PTOV1: variants seen among roughly 807,000 people sequenced by gnomAD.
PTOV1 encodes the protein prostate tumor-overexpressed gene 1 protein.
Under a neutral mutation model 58.0 loss-of-function variants are expected in PTOV1, and 20 were observed. The ratio of observed to expected loss-of-function variants is 0.34; its 90% CI spans 0.24 to 0.50. The LOEUF (loss-of-function observed/expected upper bound fraction) is 0.50, where lower values mean the gene tolerates loss of function less well. Ranked by LOEUF, PTOV1 falls within the 20% of genes least tolerant of loss-of-function variation. PTOV1 has a pLI of 0.98. For missense variants in PTOV1, 593 were observed against 565.4 expected (o/e 1.05, Z -0.50); for synonymous variants, 335 against 234.2 (o/e 1.43, Z -3.93).
rs764310709 is a variant in PTOV1, at chr19:49,857,988, G to C, written c.878+11G>C. Reference sequence around the variant, plus strand: ...CCAGGGGGAGATCCTGTGAGTGCTGGGCTGGGGGGTGGAGGCAGCATCCAG... The same window carrying C: ...CCAGGGGGAGATCCTGTGAGTGCTGCGCTGGGGGGTGGAGGCAGCATCCAG... On this transcript the variant is annotated intron_variant, in intron 8 of 11. Transcript: ENST00000391842. 6.2e-7 allele frequency: 1 copy of C among 1,613,220 alleles called. No individual in the cohort carries two copies.
chr19:49,860,374 G>C, exon 12 of PTOV1: 1 of 1,351,574 alleles, frequency 7.4e-7, no homozygotes, highest in Non-Finnish European at 1.0e-6. Flanking sequence ...AGGGACCCTG[G>C]GGCATGTGGG....
At chr19:49,859,280 A>T (rs1415981209) in intron 10 of PTOV1, 1 of 152,456 alleles carries the variant, frequency 6.6e-6, no homozygotes. Flanking sequence ...GTGCTTTTAC[A>T]TGAAAGCAAT....
intron 5 of PTOV1, 22 bp downstream of exon 5, chr19:49,855,099 GT>G (rs774396376): frequency 1.1e-4 from 167 of 1,554,770 alleles, no homozygotes; most frequent in Non-Finnish European, 1.3e-4. Context: ...GGGCTCCCTT[GT>G]AGCACTGTGG....
intron 6 of PTOV1, chr19:49,857,431 G>A: frequency 1.7e-6 from 1 of 605,770 alleles, no homozygotes; most frequent in Admixed American, 3.0e-5. Flanking sequence ...GTAACCACGT[G>A]TCCTGGTCAT....
chr19:49,860,607 C>G (rs1419244651), exon 12 of PTOV1: 3 of 509,224 alleles, frequency 5.9e-6, no homozygotes, highest in Non-Finnish European at 1.0e-5. Context: ...TGCACCCCTG[C>G]CCCCAGGTGA....
intron 1 of PTOV1, chr19:49,852,803 A>G (rs1238721089): frequency 6.6e-6 from 1 of 152,228 alleles, no homozygotes; most frequent in Non-Finnish European, 1.5e-5. Flanking sequence ...GTGTCACTGT[A>G]TATGCGGACT....
At chr19:49,859,906 G>A (rs747242812) in intron 10 of PTOV1, 80 bp from the exon 11 acceptor site, 8 of 1,464,648 alleles carry the variant, frequency 5.5e-6, no homozygotes, top group Admixed American at 3.4e-5. Flanking sequence ...GGCTCATGGA[G>A]CCCACGGCAT....
upstream of PTOV1, chr19:49,850,895 C>A: frequency 6.5e-7 from 1 of 1,535,842 alleles, no homozygotes; most frequent in Non-Finnish European, 8.7e-7. Context: ...GGTCTCCCGC[C>A]GTCCCGACCC....
chr19:49,857,804 G>A, intron 7 of PTOV1, 22 bp downstream of exon 7: 2 of 1,613,766 alleles, frequency 1.2e-6, no homozygotes, highest in Non-Finnish European at 1.7e-6. Flanking sequence ...GCAGCCCAGG[G>A]ACTTGGGACC....
intron 1 of PTOV1, chr19:49,851,920 C>T (rs1600353813): frequency 1.0e-6 from 1 of 966,074 alleles, no homozygotes; most frequent in Non-Finnish European, 1.2e-6. Flanking sequence ...CCAGCGCCCC[C>T]AGATGTCGCA....
exon 12 of PTOV1, chr19:49,860,488 G>C (rs965501813): frequency 2.7e-6 from 2 of 751,456 alleles, no homozygotes. Context: ...GGAAACTGCA[G>C]CCCAGCCTCA....
intron 6 of PTOV1, 113 bp downstream of exon 6, chr19:49,857,243 G>A: frequency 4.2e-6 from 6 of 1,430,722 alleles, no homozygotes; most frequent in Non-Finnish European, 5.8e-6. Flanking sequence ...CTGGAGCAAG[G>A]AGCTGCAGGG....
chr19:49,856,863 C>A, intron 5 of PTOV1, 112 bp from the exon 6 acceptor site: 1 of 1,329,704 alleles, frequency 7.5e-7, no homozygotes, highest in Non-Finnish European at 1.0e-6. Context: ...CTGTGGGGGC[C>A]TCTGTCCACC....
intron 10 of PTOV1, chr19:49,859,010 C>T (rs1490748636): frequency 5.0e-6 from 1 of 198,172 alleles, no homozygotes; most frequent in Non-Finnish European, 1.0e-5. Context: ...TGTCTGCCCC[C>T]AGCAAGGTCC....
At chr19:49,855,884 G>A (rs933520356) in intron 5 of PTOV1, among the ~76,000 whole-genome samples, 1 of 152,138 alleles carries the variant, frequency 6.6e-6, no homozygotes, top group East Asian at 1.9e-4. Flanking sequence ...TGAGATTCTG[G>A]CGCAGGGCAG....
chr19:49,851,450 C>G (rs2074242773), exon 1 of PTOV1: 2 of 1,221,186 alleles, frequency 1.6e-6, no homozygotes, highest in African/African-American at 3.1e-5. Context: ...CCTGCCAGCC[C>G]CCGAGGCCCG....
At chr19:49,851,223 G>T (rs998128712) in exon 1 of PTOV1, 1 of 1,157,006 alleles carries the variant, frequency 8.6e-7, no homozygotes, top group Non-Finnish European at 1.1e-6. Flanking sequence ...GGCTCAGCCC[G>T]TCTCCCCCGA....
chr19:49,855,844 G>T (rs2074438648), intron 5 of PTOV1, among the ~76,000 whole-genome samples: 1 of 152,118 alleles, frequency 6.6e-6, no homozygotes, highest in Non-Finnish European at 1.5e-5. Flanking sequence ...AGTGCTGGGT[G>T]AACCCAGCTG....
At chr19:49,859,960 GT>G in intron 10 of PTOV1, 25 bp from the exon 11 acceptor site, 1 of 1,612,484 alleles carries the variant, frequency 6.2e-7, no homozygotes, top group Non-Finnish European at 8.5e-7. Flanking sequence ...GTGCTGTCTG[GT>G]GACACCACGC....
Sources: allele counts gnomAD v4.1 joint callset (sites outside exome capture counted in the v4.1 genomes callset), GRCh38; gene constraint gnomAD v4.1.1; transcripts MANE v1.5; gene names NCBI Gene and HGNC (gene_info 2026-07-23, HGNC 2026-07-21).